HMCN2: variants seen among roughly 807,000 people sequenced by gnomAD.
The protein encoded by HMCN2 is hemicentin-2.
HMCN2 carries 325 observed loss-of-function variants against 377.5 expected under a neutral mutation model. The observed-to-expected ratio is 0.86, with a 90% CI of 0.79 to 0.94. The LOEUF (loss-of-function observed/expected upper bound fraction) is 0.94, where lower values mean the gene tolerates loss of function less well. Ranked by LOEUF, HMCN2 falls within the 40% of genes least tolerant of loss-of-function variation. The probability of loss-of-function intolerance (pLI) is 0.00; values close to 1 mark genes in which losing one functional copy is unlikely to be tolerated. For missense variants in HMCN2, 4,543 were observed against 4,725.3 expected (o/e 0.96, Z 1.13); for synonymous variants, 2,007 against 2,046.8 (o/e 0.98, Z 0.53).
At position 130,382,256 on chromosome 9, in the gene HMCN2, A is replaced by G. The variant is rs1014776259; in HGVS notation, c.8504A>G (p.Glu2835Gly). 1.0e-5 allele frequency: 10 copies of G among 985,668 alleles called. No individual in the cohort carries two copies. The highest frequency in any genetic ancestry group is 4.7e-5 in the South Asian group (1 of 21,286). The allele number at this position is 985,668 out of a possible 1,614,324, so 61.1% of individuals were successfully genotyped here. A position where few individuals can be genotyped will look rare whatever the true frequency, so the allele number is the denominator to read the frequency against. The change falls in exon 55 of 98, where the codon GAG (glutamate) becomes GGG (glycine). Residue 2835 changes from glutamate to glycine, a missense_variant. Physicochemically the swap from Glu to Gly is moderately conservative, Grantham distance 98 (BLOSUM62 -2). This residue lies in a region of HMCN2 where 736 missense variants were observed against 773.2 expected (regional missense o/e 0.95). Transcript: ENST00000683500. Reference sequence around the variant, plus strand: ...AGGTACTCGTGCAAGGCCTCCAACGAGGTGGGCGAGGACTGGCTGCACTAC... The same window carrying G: ...AGGTACTCGTGCAAGGCCTCCAACGGGGTGGGCGAGGACTGGCTGCACTAC... ...AGRYSCKASN[E>G]VGEDWLHYEL... is the part of the protein sequence containing the mutation.
chr9:130,395,159 G>T, intron 70 of HMCN2, 51 bp downstream of exon 70: 1 of 1,278,968 alleles, frequency 7.8e-7, no homozygotes, highest in African/African-American at 1.5e-5. Context: ...GGACGGGCTC[G>T]CGGCAGGGGT....
At position 130,347,683 on chromosome 9, in the gene HMCN2, C is replaced by G. The variant is rs1839457662; in HGVS notation, c.4024+323C>G. On this transcript the variant is annotated intron_variant, in intron 26 of 97. Coordinates refer to ENST00000683500, the MANE Select transcript of HMCN2 (RefSeq NM_001291815.2). This position sits in a 1 kb window ranked among gnomAD's most constrained non-coding sequence, Gnocchi z 5.1. ...ATGGGGGAAGCACCTGGAATTCCAT[C>G]AGTGTCTTTGAGATTGGTCTAGAGG... Among the ~76,000 whole-genome samples the G allele has an allele frequency of 6.6e-6, 1 of 152,088 alleles. No individual in the cohort carries two copies. Among genetic ancestry groups the G allele is most frequent in the Non-Finnish European group, 1.5e-5 (1 of 68,010 alleles).
At chr9:130,368,552 C>T (rs1001483667) in intron 44 of HMCN2, 115 bp downstream of exon 44, 10 of 469,744 alleles carry the variant, frequency 2.1e-5, no homozygotes, top group Admixed American at 6.4e-5. Context: ...CAGGCTTTCT[C>T]CTCCCTCACG....
rs1300358322 is a variant in HMCN2 at position 130,396,352 on chromosome 9, GGT to G, written c.11198+41_11198+42del. 2.4e-6 allele frequency: 3 copies of G among 1,240,396 alleles called. No individual in the cohort carries two copies. The African/African-American group carries it at 4.7e-5, about 19-fold the overall frequency. The allele number at this position is 1,240,396 out of a possible 1,614,324, so 76.8% of individuals were successfully genotyped here. The stretch of plus-strand genomic sequence containing the variant: ...GGGGTGGGCCTCAGGGAGGCTCTCA[GGT>G]GCCACTTTGTGGGTTGCAAATCAAA... On this transcript the variant is annotated intron_variant, in intron 73 of 97. Transcript: ENST00000683500.
chr9:130,290,683 C>T (rs546849711), intron 4 of HMCN2, among the ~76,000 whole-genome samples: 1 of 152,176 alleles, frequency 6.6e-6, no homozygotes. Context: ...GTCCTCATTC[C>T]TTGGCTAAGA....
At chr9:130,430,626 C>T (rs1398478911) in intron 95 of HMCN2, 22 bp downstream of exon 95, 37 of 1,529,634 alleles carry the variant, frequency 2.4e-5, no homozygotes, top group Non-Finnish European at 8.8e-7. Flanking sequence ...CCCTGACCAT[C>T]CACGGGACAC....
intron 85 of HMCN2, among the ~76,000 whole-genome samples, chr9:130,415,416 C>T (rs1300506692): frequency 1.3e-5 from 2 of 152,088 alleles, no homozygotes; most frequent in African/African-American, 4.8e-5. Flanking sequence ...CAGCTCACTG[C>T]AGCCTTGACC....
chr9:130,415,111 C>T (rs1389105482), intron 85 of HMCN2, among the ~76,000 whole-genome samples: 1 of 152,184 alleles, frequency 6.6e-6, no homozygotes, highest in African/African-American at 2.4e-5. Context: ...ATGGAGGCCA[C>T]GTGGGGAACC....
rs1347819680 is a variant in HMCN2, at chr9:130,388,498, C to T, written c.9481C>T (p.Pro3161Ser). ...CCTGACCTGTGATGTGTCCGGGGTCCCTGCACCCACGGTCACTTGGCTGAA... is the reference window on the plus strand; with the variant it reads ...CCTGACCTGTGATGTGTCCGGGGTCTCTGCACCCACGGTCACTTGGCTGAA... ...LVLTCDVSGV[P>S]APTVTWLKDR... Residue 3161 changes from proline to serine, a missense_variant, in exon 62 of 98, where the codon CCT becomes TCT. By Grantham distance (74) the Pro-to-Ser change is moderately conservative. This residue lies in a region of HMCN2 where 736 missense variants were observed against 773.2 expected (regional missense o/e 0.95). Coordinates refer to ENST00000683500, the MANE Select transcript of HMCN2 (RefSeq NM_001291815.2). The T allele has an allele frequency of 5.1e-6, 5 of 987,936 alleles. No individual in the cohort carries two copies. Among genetic ancestry groups the T allele is most frequent in the Non-Finnish European group, 6.0e-6 (5 of 830,136 alleles). The allele number at this position is 987,936 out of a possible 1,614,324, so 61.2% of individuals were successfully genotyped here.
rs1372957798 is a variant in HMCN2, at chr9:130,408,844, A to G, written c.12790A>G (p.Ile4264Val). The change falls in exon 84 of 98, where the codon ATC (isoleucine) becomes GTC (valine). Residue 4264 changes from isoleucine to valine, a missense_variant. Ile to Val is a conservative substitution (Grantham distance 29). Transcript: ENST00000683500. ...GGTGCGTGGAGACCCAGTGCCGGAC[A>G]TCCACTGGATCAAAGATGGCCTTCC... is the stretch of plus-strand genomic sequence containing the variant. ...CVVRGDPVPD[I>V]HWIKDGLPLR... 1 of 1,289,760 alleles carries G rather than the reference A, an allele frequency of 7.8e-7. No homozygotes were observed. Among genetic ancestry groups the G allele is most frequent in the East Asian group, 5.6e-5 (1 of 18,018 alleles). The allele number at this position is 1,289,760 out of a possible 1,614,324, so 79.9% of individuals were successfully genotyped here.
chr9:130,391,621 C>T (rs1000515449), intron 65 of HMCN2, 47 bp downstream of exon 65: 12 of 985,778 alleles, frequency 1.2e-5, no homozygotes, highest in East Asian at 1.1e-4. Context: ...GGCCTGGGCA[C>T]GGGAGATAAG....
intron 94 of HMCN2, chr9:130,430,066 A>G (rs1844645152): frequency 1.6e-6 from 1 of 607,832 alleles, no homozygotes; most frequent in Admixed American, 3.0e-5. Context: ...GACGAGGCTG[A>G]GAGCTGGGGA....
At chr9:130,267,280 C>T (rs1834157408) in intron 1 of HMCN2, among the ~76,000 whole-genome samples, 1 of 151,730 alleles carries the variant, frequency 6.6e-6, no homozygotes, top group Admixed American at 6.6e-5. Flanking sequence ...TTCAAACTTA[C>T]AGTAAAATGG....
rs1269163716 is a variant in HMCN2, at chr9:130,408,927, G to C, written c.12873G>C (p.Arg4291Ser). 2 of 1,288,794 alleles carry C rather than the reference G, an allele frequency of 1.6e-6. No homozygotes were observed. The highest frequency in any genetic ancestry group is 4.6e-5 in the Admixed American group (2 of 43,538). 79.8% of individuals were successfully genotyped at this position (1,288,794 alleles called of 1,614,324 possible). A position where few individuals can be genotyped will look rare whatever the true frequency, so the allele number is the denominator to read the frequency against. The stretch of plus-strand genomic sequence containing the variant: ...AGAATGGCTCGCTGACCATCCGCAG[G>C]ACTGAGGCAAGGCGGGGCCTGGCAC... ...QLQNGSLTIR[R>S]TERDDAGRYQ... is the part of the protein sequence containing the mutation. The change falls in exon 84 of 98, where the codon AGG (arginine) becomes AGC (serine). Residue 4291 changes from arginine (R) to serine (S), a missense_variant. Physicochemically the swap from Arg to Ser is moderately radical, Grantham distance 110 (BLOSUM62 -1). Around this residue, in one of 5 missense-constraint regions of HMCN2, gnomAD observed 1,155 missense variants for 1,157.7 expected, o/e 1.00. Coordinates refer to ENST00000683500, the MANE Select transcript of HMCN2 (RefSeq NM_001291815.2).
At chr9:130,432,836 C>T (rs1844842562) in intron 97 of HMCN2, 5 of 494,110 alleles carry the variant, frequency 1.0e-5, no homozygotes, top group Admixed American at 7.0e-5. Context: ...CCACTCACAG[C>T]GGCCACGGAC....
At chr9:130,431,752 G>C (rs1167316732) in intron 96 of HMCN2, among the ~76,000 whole-genome samples, 1 of 152,252 alleles carries the variant, frequency 6.6e-6, no homozygotes, top group Non-Finnish European at 1.5e-5. Flanking sequence ...TAGCACTGCT[G>C]TGTGTCCCTG....
chr9:130,278,249 C>G (rs571130489), intron 1 of HMCN2, among the ~76,000 whole-genome samples: 121 of 152,208 alleles, frequency 7.9e-4, no homozygotes, highest in African/African-American at 2.7e-3. Flanking sequence ...CTCAGCCTCC[C>G]GAGTAGCTGG....
chr9:130,303,498 A>G lies in HMCN2; in HGVS notation c.1433A>G (p.Asn478Ser), dbSNP rs1554935296. 2.2e-6 allele frequency: 1 copy of G among 451,260 alleles called. No homozygotes were observed. The highest frequency in any genetic ancestry group is 4.6e-6 in the Non-Finnish European group (1 of 215,656). 28.0% of individuals were successfully genotyped at this position (451,260 alleles called of 1,614,324 possible). The change falls in exon 10 of 98, where the codon AAC (asparagine) becomes AGC (serine). Residue 478 changes from asparagine to serine, a missense_variant. Physicochemically the swap from Asn to Ser is conservative, Grantham distance 46. Transcript: ENST00000683500. This position sits in a 1 kb window ranked among gnomAD's most constrained non-coding sequence, Gnocchi z 5.2. ...GEERHFQESG[N>S]SSWEILRASK... ...TTCCCTGTTTGCAGGGAGTCGGGAA[A>G]CAGCAGCTGGGAGATCCTGCGGGCC...
At chr9:130,333,474 G>A (rs998818690) in intron 22 of HMCN2, among the ~76,000 whole-genome samples, 5 of 152,288 alleles carry the variant, frequency 3.3e-5, no homozygotes, top group South Asian at 2.1e-4. Context: ...ACATCTGCGT[G>A]CGCCTCACTG....
Sources: allele counts gnomAD v4.1 joint callset (sites outside exome capture counted in the v4.1 genomes callset), GRCh38; gene constraint gnomAD v4.1.1; regional missense constraint gnomAD v4.1.1; non-coding constraint Gnocchi (gnomAD v3.1); transcripts MANE v1.5; gene names NCBI Gene and HGNC (gene_info 2026-07-23, HGNC 2026-07-21).